Variants in RNF111 observed in about 807,000 individuals in gnomAD.
RNF111 encodes the protein E3 ubiquitin-protein ligase Arkadia.
RNF111 carries 17 observed loss-of-function variants against 95.1 expected under a neutral mutation model. The ratio of observed to expected loss-of-function variants is 0.18; its 90% confidence interval spans 0.12 to 0.27. The LOEUF is 0.27. RNF111 is among the 10% of genes least tolerant of loss of function. The pLI, the probability that RNF111 is intolerant of heterozygous loss-of-function variation, is 1.00. For missense variants in RNF111, 1,189 were observed against 1,210.4 expected, an observed-to-expected ratio of 0.98 and a Z score of 0.26; for synonymous variants, 440 against 414.8, an observed-to-expected ratio of 1.06 and a Z score of -0.74.
chr15:59,083,535 C>CAA (rs760110284), intron 8 of RNF111, among the ~76,000 whole-genome samples: 59 of 125,542 alleles, frequency 4.7e-4, no homozygotes, highest in African/African-American at 1.5e-3. Flanking sequence ...ACTTCCTCTC[C>CAA]AAAAAAAAAA....
intron 2 of RNF111, among the ~76,000 whole-genome samples, chr15:59,050,676 A>T (rs1161120034): frequency 6.6e-6 from 1 of 152,218 alleles, no homozygotes; most frequent in African/African-American, 2.4e-5. Context: ...AAAGAGCTAT[A>T]ACACCTGTAA....
intron 7 of RNF111, among the ~76,000 whole-genome samples, chr15:59,079,684 A>G (rs1454174681): frequency 6.6e-6 from 1 of 151,162 alleles, no homozygotes; most frequent in Non-Finnish European, 1.5e-5. Flanking sequence ...TGTCAAGTAG[A>G]TGCACATCTC....
At chr15:59,037,210 C>T (rs891525769) in intron 2 of RNF111, among the ~76,000 whole-genome samples, 4 of 152,038 alleles carry the variant, frequency 2.6e-5, no homozygotes, top group Non-Finnish European at 5.9e-5. Context: ...TGGCTTTTAA[C>T]TTTATTAGGG....
In RNF111 at chr15:58,988,060, A is replaced by C. The variant is rs1045052570; in HGVS notation, c.-28A>C. 4 of 135,856 alleles carry C rather than the reference A, an allele frequency of 2.9e-5. No homozygotes were observed. Among genetic ancestry groups the C allele is most frequent in the African/African-American group, 8.1e-5 (3 of 36,866 alleles). The allele number at this position is 135,856 out of a possible 1,614,324, so 8.4% of individuals were successfully genotyped here. A position where few individuals can be genotyped will look rare whatever the true frequency, so the allele number is the denominator to read the frequency against. ...ACCCTGGAAGAGAAGAGGGTGGCTA[A>C]TGATTAAGGTGAGGGGAACGGGGGG... On this transcript the variant is annotated 5_prime_UTR_variant, in exon 1 of 14. The change abolishes an upstream ATG in the 5' untranslated region. Coordinates refer to ENST00000348370, the MANE Select transcript of RNF111 (RefSeq NM_017610.8).
chr15:59,000,301 C>G (rs1440203947), intron 1 of RNF111, among the ~76,000 whole-genome samples: 3 of 151,788 alleles, frequency 2.0e-5, no homozygotes, highest in Non-Finnish European at 4.4e-5. Flanking sequence ...GTAGCTGGGA[C>G]TACAGGCATG....
intron 1 of RNF111, among the ~76,000 whole-genome samples, chr15:59,026,213 T>A (rs1328833374): frequency 6.6e-5 from 10 of 152,180 alleles, no homozygotes; most frequent in African/African-American, 1.9e-4. Context: ...TTAATGGGTT[T>A]TTCCTCCTTT....
chr15:58,991,360 A>G (rs1260630899), intron 1 of RNF111, among the ~76,000 whole-genome samples: 3 of 152,154 alleles, frequency 2.0e-5, no homozygotes, highest in Admixed American at 6.6e-5. Flanking sequence ...GCGGTACTGC[A>G]TTATTACGTA....
intron 2 of RNF111, among the ~76,000 whole-genome samples, chr15:59,046,946 C>T (rs1476724725): frequency 8.5e-5 from 13 of 152,126 alleles, no homozygotes; most frequent in African/African-American, 2.9e-4. Flanking sequence ...CGGCTCACTG[C>T]AGACTCGGCC....
chr15:59,068,012 C>T (rs749404805), intron 6 of RNF111, among the ~76,000 whole-genome samples: 3 of 152,176 alleles, frequency 2.0e-5, no homozygotes, highest in South Asian at 2.1e-4. Flanking sequence ...TTAGTATTGG[C>T]AATCACGTGG....
At chr15:59,011,640 T>C (rs1051352752) in intron 1 of RNF111, among the ~76,000 whole-genome samples, 1 of 152,222 alleles carries the variant, frequency 6.6e-6, no homozygotes, top group East Asian at 1.9e-4. Flanking sequence ...AATCTTTTTT[T>C]CTGTGTGTTT....
chr15:59,066,297 A>G (rs775613225), intron 5 of RNF111, among the ~76,000 whole-genome samples: 2 of 152,178 alleles, frequency 1.3e-5, no homozygotes, highest in Admixed American at 1.3e-4. Context: ...ATAAAATCAT[A>G]TGATGTATAT....
chr15:59,009,110 A>G (rs2039673511), intron 1 of RNF111, among the ~76,000 whole-genome samples: 1 of 151,956 alleles, frequency 6.6e-6, no homozygotes, highest in South Asian at 2.1e-4. Flanking sequence ...TAGGTGCACC[A>G]CCATGTCCAG....
intron 6 of RNF111, among the ~76,000 whole-genome samples, chr15:59,072,892 A>AC (rs1473855065): frequency 1.8e-3 from 269 of 151,744 alleles, no homozygotes; most frequent in African/African-American, 6.4e-3. Flanking sequence ...AAAAAAAAAA[A>AC]ACAAAACACT....
intron 1 of RNF111, among the ~76,000 whole-genome samples, chr15:59,012,837 C>T (rs1333658725): frequency 2.0e-5 from 3 of 151,630 alleles, no homozygotes; most frequent in African/African-American, 7.3e-5. Context: ...CCCCCAGGTT[C>T]AAGCGATTCT....
intron 7 of RNF111, among the ~76,000 whole-genome samples, chr15:59,077,967 G>T (rs2078614995): frequency 6.6e-6 from 1 of 152,182 alleles, no homozygotes; most frequent in Non-Finnish European, 1.5e-5. Flanking sequence ...GTATGCTTTA[G>T]TTCACGTGTG....
intron 1 of RNF111, among the ~76,000 whole-genome samples, chr15:59,008,373 A>T (rs2141513468): frequency 6.6e-6 from 1 of 152,080 alleles, no homozygotes; most frequent in East Asian, 1.9e-4. Flanking sequence ...ACGCACCACC[A>T]TGCCTGACTA....
intron 8 of RNF111, 180 bp from the exon 9 acceptor site, chr15:59,083,949 G>A: frequency 2.6e-6 from 1 of 379,816 alleles, no homozygotes; most frequent in Non-Finnish European, 4.2e-6. Flanking sequence ...AGAAGGTGAT[G>A]GTTTCTTGAT....
intron 2 of RNF111, among the ~76,000 whole-genome samples, chr15:59,050,627 A>T (rs1183415463): frequency 6.6e-6 from 1 of 152,232 alleles, no homozygotes; most frequent in African/African-American, 2.4e-5. Flanking sequence ...GTATACTAAA[A>T]GCTGAAGGAA....
intron 6 of RNF111, among the ~76,000 whole-genome samples, chr15:59,074,356 T>C (rs1462915174): frequency 1.3e-5 from 2 of 152,266 alleles, no homozygotes; most frequent in African/African-American, 4.8e-5. Flanking sequence ...TTAGGCTGTT[T>C]TGTCGACATG....
Sources: allele counts gnomAD v4.1 joint callset (sites outside exome capture counted in the v4.1 genomes callset), GRCh38; gene constraint gnomAD v4.1.1; transcripts MANE v1.5; gene names NCBI Gene and HGNC (gene_info 2026-07-23, HGNC 2026-07-21).